The following IL17B variants were observed in gnomAD, a reference collection of about 807,000 sequenced individuals.
IL17B encodes the protein interleukin-17B.
IL17B carries 14 observed loss-of-function variants against 14.7 expected under a neutral mutation model. The ratio of observed to expected loss-of-function variants is 0.95; its 90% CI spans 0.63 to 1.49. IL17B has a LOEUF of 1.49. Ranked by LOEUF, IL17B falls within the 40% of genes most tolerant of loss-of-function variation. IL17B has a pLI of 0.00. For missense variants in IL17B, 233 were observed against 252.8 expected, an observed-to-expected ratio of 0.92 and a Z score of 0.53; for synonymous variants, 105 against 94.8, an observed-to-expected ratio of 1.11 and a Z score of -0.62.
chr5:149,397,998 A>T (rs540949033), intron 1 of IL17B, among the ~76,000 whole-genome samples: 1 of 152,238 alleles, frequency 6.6e-6, no homozygotes, highest in Non-Finnish European at 1.5e-5. Flanking sequence ...TTCCACTCAG[A>T]CCCACACACA....
At chr5:149,400,137 G>T (rs1759178096) in intron 1 of IL17B, among the ~76,000 whole-genome samples, 1 of 152,114 alleles carries the variant, frequency 6.6e-6, no homozygotes, top group Non-Finnish European at 1.5e-5. Context: ...TGGAAACAGG[G>T]TTGCCACAGA....
At chr5:149,384,074 G>A (rs1365853365), upstream of IL17B, among the ~76,000 whole-genome samples, 1 of 152,244 alleles carries the variant, frequency 6.6e-6, no homozygotes, top group Non-Finnish European at 1.5e-5. Context: ...AAGTGCCTTT[G>A]CTGGGTATCA....
rs1290893539 is a variant in IL17B at position 149,376,724 on chromosome 5, T to C, written c.311+12A>G. 6.3e-7 allele frequency: 1 copy of C among 1,590,546 alleles called. No individual in the cohort carries two copies. The highest frequency in any genetic ancestry group is 2.2e-5 in the East Asian group (1 of 44,716). ...CCCCCCAAAGACAGCTTGCCACCAC[T>C]GCCCAGCCTACCTGTAGCCCCAGGG... On this transcript the variant is annotated intron_variant, in intron 2 of 2. Transcript: ENST00000261796.
intron 1 of IL17B, among the ~76,000 whole-genome samples, chr5:149,395,751 C>A (rs778176266): frequency 6.6e-6 from 1 of 152,194 alleles, no homozygotes; most frequent in Non-Finnish European, 1.5e-5. Context: ...CGGCTCACTG[C>A]AACCTCTGCC....
upstream of IL17B, among the ~76,000 whole-genome samples, chr5:149,380,431 C>T (rs966672115): frequency 6.6e-5 from 10 of 152,182 alleles, no homozygotes; most frequent in East Asian, 1.9e-3. Context: ...GTTCTCATTT[C>T]TCTACTGACT....
intron 1 of IL17B, among the ~76,000 whole-genome samples, chr5:149,398,450 C>T (rs1759139794): frequency 6.6e-6 from 1 of 152,216 alleles, no homozygotes; most frequent in Admixed American, 6.5e-5. Flanking sequence ...ACACAATAAA[C>T]ACTCATACGT....
intron 1 of IL17B, among the ~76,000 whole-genome samples, chr5:149,390,133 C>T (rs1758907454): frequency 6.6e-6 from 1 of 151,708 alleles, no homozygotes; most frequent in Non-Finnish European, 1.5e-5. Context: ...TGAATTTGTT[C>T]TACAGGAGGC....
intron 1 of IL17B, among the ~76,000 whole-genome samples, chr5:149,397,121 G>A (rs2127622553): frequency 6.6e-6 from 1 of 152,318 alleles, no homozygotes; most frequent in South Asian, 2.1e-4. Context: ...CTCGGCCATT[G>A]CAATTAAGTG....
intron 1 of IL17B, among the ~76,000 whole-genome samples, chr5:149,392,392 A>G (rs1379371992): frequency 6.6e-6 from 1 of 152,252 alleles, no homozygotes; most frequent in Non-Finnish European, 1.5e-5. Context: ...CTATCCAACC[A>G]TTCAAAGAAT....
rs536785115 is a variant in IL17B, at chr5:149,385,549, A to G, written n.96-8524T>C. On this transcript the variant is annotated intron_variant and non_coding_transcript_variant, in intron 1 of 2. Transcript: ENST00000505432. ...CTGTCAGGCCTGCTGTAACTCACCC[A>G]GACCTGGGACAGGAAGGAGTGCGAG... Among the ~76,000 whole-genome samples, 3 of 152,356 alleles carry G rather than the reference A, an allele frequency of 2.0e-5. No individual in the cohort carries two copies. In the East Asian group the frequency reaches 5.8e-4, roughly 29 times the overall value.
At chr5:149,393,762 C>G (rs564701179) in intron 1 of IL17B, among the ~76,000 whole-genome samples, 1 of 152,196 alleles carries the variant, frequency 6.6e-6, no homozygotes, top group African/African-American at 2.4e-5. Context: ...CCCCTGGATC[C>G]AGCCATACCT....
intron 1 of IL17B, among the ~76,000 whole-genome samples, chr5:149,401,993 C>T (rs1011742163): frequency 6.6e-6 from 1 of 152,108 alleles, no homozygotes; most frequent in Non-Finnish European, 1.5e-5. Context: ...TAGTGTGGCC[C>T]GGTTTTCCTT....
chr5:149,395,274 G>A (rs1308633116), intron 1 of IL17B, among the ~76,000 whole-genome samples: 1 of 152,066 alleles, frequency 6.6e-6, no homozygotes, highest in Non-Finnish European at 1.5e-5. Context: ...CCATTGATGG[G>A]CATTTAGGTT....
intron 1 of IL17B, among the ~76,000 whole-genome samples, chr5:149,390,448 A>G (rs931639185): frequency 2.0e-5 from 3 of 151,794 alleles, no homozygotes; most frequent in African/African-American, 7.3e-5. Flanking sequence ...CAGCCCAGCT[A>G]CCACGTAGTG....
chr5:149,396,807 GT>G (rs1163474426), intron 1 of IL17B, among the ~76,000 whole-genome samples: 1 of 152,174 alleles, frequency 6.6e-6, no homozygotes, highest in Non-Finnish European at 1.5e-5. Context: ...CATGTAATGT[GT>G]TTTGTAACAC....
upstream of IL17B, among the ~76,000 whole-genome samples, chr5:149,381,722 A>T (rs1758703301): frequency 6.6e-6 from 1 of 152,338 alleles, no homozygotes; most frequent in East Asian, 1.9e-4. Flanking sequence ...ATCTCAGACC[A>T]GGAGGGAGAC....
intron 1 of IL17B, among the ~76,000 whole-genome samples, chr5:149,399,099 A>G (rs191910361): frequency 2.6e-5 from 4 of 152,344 alleles, no homozygotes; most frequent in East Asian, 3.9e-4. Context: ...ACCTGGCCCC[A>G]TGATTCAATT....
chr5:149,388,442 C>A (rs1758870471), intron 1 of IL17B, among the ~76,000 whole-genome samples: 1 of 152,220 alleles, frequency 6.6e-6, no homozygotes, highest in African/African-American at 2.4e-5. Context: ...TCAACAGGAT[C>A]ATCAGGATCA....
At chr5:149,390,217 A>ACCGCCCC (rs1758910261) in intron 1 of IL17B, among the ~76,000 whole-genome samples, 1 of 130,666 alleles carries the variant, frequency 7.7e-6, no homozygotes, top group Non-Finnish European at 1.7e-5. Context: ...GGTATTAGTG[A>ACCGCCCC]CCCCCCCCCT....
Sources: gnomAD v4.1 joint callset for allele counts (sites outside exome capture counted in the v4.1 genomes callset) on GRCh38, gnomAD v4.1.1 for gene constraint, MANE v1.5 for transcripts, NCBI Gene and HGNC (gene_info 2026-07-23, HGNC 2026-07-21) for gene names.